TEAD1: variants seen among roughly 807,000 people sequenced by gnomAD.
TEAD1 encodes the protein transcriptional enhancer factor TEF-1.
A neutral mutation model predicts 54.9 loss-of-function variants in TEAD1; 9 were observed. That is an observed-to-expected ratio of 0.16 (90% confidence interval 0.10 to 0.29). The LOEUF (loss-of-function observed/expected upper bound fraction) is 0.29. TEAD1 is among the 10% of genes least tolerant of loss of function. TEAD1 has a pLI of 1.00. For synonymous variants in TEAD1, 200 were observed against 187.8 expected (o/e 1.07, Z -0.53); for missense variants, 387 against 535.9 (o/e 0.72, Z 2.74).
At chr11:12,763,260 GC>G (rs1564931664) in intron 2 of TEAD1, among the ~76,000 whole-genome samples, 1 of 152,186 alleles carries the variant, frequency 6.6e-6, no homozygotes, top group African/African-American at 2.4e-5. Context: ...GATCTTCAGT[GC>G]TACAGAAAAA....
At chr11:12,879,268 C>G (rs1003940931) in intron 5 of TEAD1, among the ~76,000 whole-genome samples, 1 of 152,200 alleles carries the variant, frequency 6.6e-6, no homozygotes. Flanking sequence ...TAGGGCTCCT[C>G]GAGCTCTGTG....
intron 3 of TEAD1, among the ~76,000 whole-genome samples, chr11:12,783,246 G>T (rs1462933151): frequency 2.1e-5 from 3 of 141,064 alleles, no homozygotes; most frequent in Non-Finnish European, 4.5e-5. Flanking sequence ...TCTTCCCACA[G>T]TCAGCCCATG....
chr11:12,824,552 A>G (rs1946613054), intron 3 of TEAD1, among the ~76,000 whole-genome samples: 1 of 152,244 alleles, frequency 6.6e-6, no homozygotes, highest in Non-Finnish European at 1.5e-5. Flanking sequence ...CCGGGAACCA[A>G]GTTTTCAAAA....
chr11:12,677,682 TAC>T (rs1943126334), intron 2 of TEAD1, among the ~76,000 whole-genome samples: 2 of 152,232 alleles, frequency 1.3e-5, no homozygotes, highest in Admixed American at 1.3e-4. Context: ...TATTTGTCCT[TAC>T]ATTTTCAGCA....
intron 9 of TEAD1, among the ~76,000 whole-genome samples, chr11:12,897,964 A>G (rs892679932): frequency 1.3e-5 from 2 of 152,184 alleles, no homozygotes; most frequent in Admixed American, 1.3e-4. Context: ...CTCCAGGACT[A>G]TTCCTGGATG....
At position 12,807,967 on chromosome 11, in the gene TEAD1, C is replaced by T. The variant is rs370317371; in HGVS notation, c.202+43533C>T. Among the ~76,000 whole-genome samples the T allele has an allele frequency of 3.9e-5, 6 of 152,112 alleles. No individual in the cohort carries two copies. The East Asian group carries it at 5.8e-4, about 15-fold the overall frequency. On this transcript the variant is annotated intron_variant, in intron 3 of 12. Coordinates refer to ENST00000527636, the MANE Select transcript of TEAD1 (RefSeq NM_021961.6). ...TCCTAGATGTAATTTGTTGCTTATC[C>T]GCAAAGTGGTTTTGAAGGATATGGT...
At chr11:12,682,297 C>T (rs757745467) in intron 2 of TEAD1, among the ~76,000 whole-genome samples, 1 of 152,182 alleles carries the variant, frequency 6.6e-6, no homozygotes, top group Non-Finnish European at 1.5e-5. Flanking sequence ...TCTCACCTTT[C>T]GATCCAGGGG....
chr11:12,871,519 T>TG (rs1245879837), intron 5 of TEAD1, among the ~76,000 whole-genome samples: 27 of 152,206 alleles, frequency 1.8e-4, no homozygotes, highest in Admixed American at 3.3e-4. Flanking sequence ...AGAGTTTCTT[T>TG]GTAGAGTTCC....
intron 6 of TEAD1, 103 bp downstream of exon 6, chr11:12,879,945 A>G (rs1947932165): frequency 2.6e-6 from 4 of 1,555,938 alleles, no homozygotes; most frequent in Non-Finnish European, 3.5e-6. Context: ...TGGGTCAGGT[A>G]TGTGAGAGGG....
chr11:12,714,357 T>C (rs1427006913), intron 2 of TEAD1, among the ~76,000 whole-genome samples: 1 of 152,180 alleles, frequency 6.6e-6, no homozygotes, highest in East Asian at 1.9e-4. Context: ...TTATCCTCTG[T>C]ATAGTGCTCT....
intron 2 of TEAD1, among the ~76,000 whole-genome samples, chr11:12,727,203 G>A (rs573966002): frequency 1.5e-4 from 23 of 152,334 alleles, no homozygotes; most frequent in African/African-American, 5.3e-4. Flanking sequence ...TGGCACCATT[G>A]CACTCCAGCC....
chr11:12,811,481 A>G (rs1026926945), intron 3 of TEAD1, among the ~76,000 whole-genome samples: 2 of 152,212 alleles, frequency 1.3e-5, no homozygotes, highest in Non-Finnish European at 2.9e-5. Flanking sequence ...GTGACCTGAT[A>G]TGCAGACCTT....
intron 9 of TEAD1, among the ~76,000 whole-genome samples, chr11:12,886,196 A>T (rs1245627768): frequency 6.6e-6 from 1 of 152,200 alleles, no homozygotes; most frequent in African/African-American, 2.4e-5. Context: ...CTATTTTTGG[A>T]AAGTCAAGGC....
intron 3 of TEAD1, among the ~76,000 whole-genome samples, chr11:12,850,496 G>A (rs1392574825): frequency 6.6e-6 from 1 of 152,190 alleles, no homozygotes; most frequent in Non-Finnish European, 1.5e-5. Flanking sequence ...CCCATTTTCT[G>A]TTACTAATGC....
chr11:12,818,870 A>G (rs1262442147), intron 3 of TEAD1, among the ~76,000 whole-genome samples: 1 of 152,252 alleles, frequency 6.6e-6, no homozygotes, highest in Non-Finnish European at 1.5e-5. Context: ...CTTGGGACCA[A>G]TATGAAGCAA....
intron 2 of TEAD1, among the ~76,000 whole-genome samples, chr11:12,741,873 A>G (rs924883694): frequency 2.0e-5 from 3 of 152,214 alleles, no homozygotes; most frequent in Non-Finnish European, 2.9e-5. Context: ...GGGCTCTCCA[A>G]CAGCCTTGTT....
chr11:12,725,612 T>TA (rs11316204), intron 2 of TEAD1, among the ~76,000 whole-genome samples: 7 of 151,158 alleles, frequency 4.6e-5, no homozygotes, highest in Admixed American at 2.6e-4. Context: ...ACGTATCAGT[T>TA]AAAAAAAAAA....
chr11:12,853,211 A>G (rs1201586821), intron 3 of TEAD1, among the ~76,000 whole-genome samples: 2 of 151,990 alleles, frequency 1.3e-5, no homozygotes, highest in Non-Finnish European at 2.9e-5. Context: ...TTGCAGCTAT[A>G]ATACCTTAGC....
At chr11:12,840,071 T>C (rs1303293473) in intron 3 of TEAD1, among the ~76,000 whole-genome samples, 1 of 151,282 alleles carries the variant, frequency 6.6e-6, no homozygotes, top group Non-Finnish European at 1.5e-5. Context: ...CATGGTGAAA[T>C]CCCGTCTCTA....
Sources: gnomAD v4.1 joint callset for allele counts (sites outside exome capture counted in the v4.1 genomes callset) on GRCh38, gnomAD v4.1.1 for gene constraint, MANE v1.5 for transcripts, NCBI Gene and HGNC (gene_info 2026-07-23, HGNC 2026-07-21) for gene names.